The following MKLN1 variants were observed in gnomAD, a reference collection of about 807,000 sequenced individuals.
MKLN1 encodes muskelin.
In MKLN1, 18 loss-of-function variants were observed where a neutral mutation model predicts 99.0. The observed-to-expected ratio is 0.18, with a 90% CI of 0.13 to 0.27. The LOEUF (loss-of-function observed/expected upper bound fraction) is 0.27. Among genes scored for constraint, MKLN1 ranks in the 10% least tolerant of loss-of-function variants. The pLI is 1.00. For missense variants in MKLN1, 621 were observed against 875.9 expected (o/e 0.71, Z 3.67); for synonymous variants, 288 against 293.2 (o/e 0.98, Z 0.18).
At chr7:131,452,440 T>A (rs926972807) in intron 12 of MKLN1, among the ~76,000 whole-genome samples, 2 of 151,858 alleles carry the variant, frequency 1.3e-5, no homozygotes, top group African/African-American at 4.8e-5. Context: ...AAAAGCAAAA[T>A]CATACTGATT....
intron 1 of MKLN1, among the ~76,000 whole-genome samples, chr7:131,356,062 ATT>A (rs375785189): frequency 4.7e-4 from 55 of 116,162 alleles, no homozygotes; most frequent in African/African-American, 1.0e-3. Context: ...TAGTTCCCCT[ATT>A]TTTTTTTTTT....
rs1794463843 is a variant in MKLN1 at position 131,399,448 on chromosome 7, T to C, written c.703+15T>C. The stretch of plus-strand genomic sequence containing the variant: ...GGCTGTAAATGGTATGAAACTTAGA[T>C]TGGTTATTAGGGTAAATTCAAGTAC... On this transcript the variant is annotated intron_variant, in intron 6 of 17. Transcript: ENST00000352689. 1 of 1,609,928 alleles carries C rather than the reference T, an allele frequency of 6.2e-7. No homozygotes were observed. Among genetic ancestry groups the C allele is most frequent in the Non-Finnish European group, 8.5e-7 (1 of 1,176,842 alleles).
intron 3 of MKLN1, among the ~76,000 whole-genome samples, chr7:131,203,770 C>G (rs1045538486): frequency 6.6e-6 from 1 of 152,174 alleles, no homozygotes; most frequent in Non-Finnish European, 1.5e-5. Context: ...TTCCCACTCT[C>G]TCTGTCTCTC....
intron 2 of MKLN1, among the ~76,000 whole-genome samples, chr7:131,386,277 G>C (rs372913481): frequency 3.9e-5 from 6 of 152,100 alleles, no homozygotes; most frequent in African/African-American, 1.4e-4. Context: ...CTCCCAAAGT[G>C]CTGGGATTAC....
intron 1 of MKLN1, among the ~76,000 whole-genome samples, chr7:131,353,922 A>C (rs952379926): frequency 4.7e-5 from 7 of 150,492 alleles, no homozygotes; most frequent in Non-Finnish European, 7.4e-5. Flanking sequence ...AAAAAAAAAA[A>C]AACCAGTTGG....
At chr7:131,171,469 T>C (rs899619489) in intron 2 of MKLN1, among the ~76,000 whole-genome samples, 3 of 152,170 alleles carry the variant, frequency 2.0e-5, no homozygotes, top group Non-Finnish European at 4.4e-5. Flanking sequence ...TCTTTCTTTT[T>C]TTTTTGGGAT....
At position 131,333,345 on chromosome 7, in the gene MKLN1, G is replaced by A. The variant is rs150729208; in HGVS notation, c.98+5348G>A. Among the ~76,000 whole-genome samples, 265 of 152,260 alleles carry A rather than the reference G, an allele frequency of 1.7e-3. 7 individuals carry two copies. The highest frequency in any genetic ancestry group is 2.5e-4 in the Non-Finnish European group (17 of 68,014). ...TCACCTCAGTGCCCCAAAGTGCTGC[G>A]ATTGTAGGTGTGAGCCACTGTGCCC... On this transcript the variant is annotated intron_variant, in intron 1 of 17. Transcript: ENST00000352689.
intron 3 of MKLN1, among the ~76,000 whole-genome samples, chr7:131,286,917 G>A (rs1438501649): frequency 6.6e-6 from 1 of 152,126 alleles, no homozygotes; most frequent in Non-Finnish European, 1.5e-5. Context: ...ACCAGCCTGG[G>A]AAACATAACA....
intron 1 of MKLN1, among the ~76,000 whole-genome samples, chr7:131,374,799 A>G (rs1387664983): frequency 2.6e-5 from 4 of 152,138 alleles, no homozygotes. Context: ...AAATATATAT[A>G]TTCTATACGA....
At chr7:131,279,332 G>A (rs1208072001) in intron 3 of MKLN1, among the ~76,000 whole-genome samples, 3 of 152,308 alleles carry the variant, frequency 2.0e-5, no homozygotes, top group Admixed American at 6.5e-5. Context: ...GTAGTGCAAC[G>A]TTTTGAGGTA....
intron 1 of MKLN1, among the ~76,000 whole-genome samples, chr7:131,124,185 A>G (rs1795419577): frequency 6.6e-6 from 1 of 152,210 alleles, no homozygotes; most frequent in Admixed American, 6.5e-5. Flanking sequence ...GAAATGGTAG[A>G]CAATGAGTAA....
At chr7:131,461,090 A>G (rs1796500209) in intron 12 of MKLN1, among the ~76,000 whole-genome samples, 1 of 152,140 alleles carries the variant, frequency 6.6e-6, no homozygotes. Flanking sequence ...AGTCCGTGAT[A>G]TGGTGTAACC....
chr7:131,145,590 A>G (rs563545074), intron 2 of MKLN1, among the ~76,000 whole-genome samples: 1 of 152,358 alleles, frequency 6.6e-6, no homozygotes, highest in South Asian at 2.1e-4. Context: ...TCTGGTGCAC[A>G]GAGTTATTCA....
chr7:131,384,839 A>G (rs1017436107), intron 2 of MKLN1, among the ~76,000 whole-genome samples: 6 of 152,226 alleles, frequency 3.9e-5, no homozygotes, highest in African/African-American at 1.4e-4. Flanking sequence ...CGTTATTTTC[A>G]TTGCCATTCT....
rs530639321 is a variant in MKLN1, at chr7:131,125,900, G to A, written c.-419+15693G>A. ...GGCCACCTGTAGTCCCAGCTACTCG[G>A]GAGGCTGAGGCAGGAGAATGGCGTG... is the stretch of plus-strand genomic sequence containing the variant. On this transcript the variant is annotated intron_variant, in intron 1 of 7. Transcript: ENST00000416992. Among the ~76,000 whole-genome samples the A allele has an allele frequency of 2.2e-4, 34 of 151,496 alleles. 1 individual carries two copies. Among genetic ancestry groups the A allele is most frequent in the African/African-American group, 7.8e-4 (32 of 41,130 alleles).
chr7:131,135,207 G>A (rs1233069395), intron 1 of MKLN1, among the ~76,000 whole-genome samples: 1 of 152,138 alleles, frequency 6.6e-6, no homozygotes, highest in African/African-American at 2.4e-5. Flanking sequence ...ATTGCTACCT[G>A]CGTCTCCCAG....
rs1337313794 is a variant in MKLN1, at chr7:131,489,551, G to A, written c.*1823G>A. On this transcript the variant is annotated 3_prime_UTR_variant, in exon 18 of 18. Transcript: ENST00000352689. The stretch of plus-strand genomic sequence containing the variant: ...CCTGTTAAATCTTTTGTGGAGACAG[G>A]TGCAAATCAGAAGATTGACAAGGAA... The A allele has an allele frequency of 1.3e-5, 2 of 152,102 alleles. No homozygotes were observed. Among genetic ancestry groups the A allele is most frequent in the Admixed American group, 6.6e-5 (1 of 15,248 alleles). 9.4% of individuals were successfully genotyped at this position (152,102 alleles called of 1,614,324 possible).
intron 17 of MKLN1, among the ~76,000 whole-genome samples, chr7:131,481,388 T>C (rs186715759): frequency 6.6e-6 from 1 of 152,292 alleles, no homozygotes; most frequent in African/African-American, 2.4e-5. Flanking sequence ...AGGGTACCAT[T>C]ACTATTGACT....
At chr7:131,246,106 C>T (rs1477647722) in intron 3 of MKLN1, among the ~76,000 whole-genome samples, 5 of 152,324 alleles carry the variant, frequency 3.3e-5, no homozygotes, top group South Asian at 2.1e-4. Flanking sequence ...TGGGGATGTC[C>T]GTGCCATCAG....
Sources: allele counts gnomAD v4.1 joint callset (sites outside exome capture counted in the v4.1 genomes callset), GRCh38; gene constraint gnomAD v4.1.1; transcripts MANE v1.5; gene names NCBI Gene and HGNC (gene_info 2026-07-23, HGNC 2026-07-21).